The following DTL variants were observed in gnomAD, a reference collection of about 807,000 sequenced individuals.
DTL encodes denticleless E3 ubiquitin protein ligase adapter.
DTL carries 46 observed loss-of-function variants against 87.0 expected under a neutral mutation model. The observed-to-expected ratio is 0.53, with a 90% CI of 0.42 to 0.68. The LOEUF (loss-of-function observed/expected upper bound fraction) is 0.68. Ranked by LOEUF, DTL falls within the 30% of genes least tolerant of loss-of-function variation. DTL has a pLI of 0.00. For missense variants in DTL, 737 were observed against 869.4 expected (o/e 0.85, Z 1.91); for synonymous variants, 308 against 311.2 (o/e 0.99, Z 0.11).
At position 212,103,341 on chromosome 1, in the gene DTL, G is replaced by T. The variant is rs1655678503; in HGVS notation, c.*401G>T. 1 of 152,938 alleles carries T rather than the reference G, an allele frequency of 6.5e-6. No individual in the cohort carries two copies. The highest frequency in any genetic ancestry group is 2.4e-5 in the African/African-American group (1 of 41,466). 9.5% of individuals were successfully genotyped at this position (152,938 alleles called of 1,614,324 possible). ...ATCTGCCAGCCACAGCATGAGGCCT[G>T]TGAAGGCTGACTGAGAAATCCTCTG... On this transcript the variant is annotated 3_prime_UTR_variant, in exon 15 of 15. Coordinates refer to ENST00000366991, the MANE Select transcript of DTL (RefSeq NM_016448.4).
chr1:212,055,773 G>T (rs548688739), intron 5 of DTL, among the ~76,000 whole-genome samples: 1 of 152,248 alleles, frequency 6.6e-6, no homozygotes, highest in African/African-American at 2.4e-5. Context: ...TCCATAGCCA[G>T]CACCTGCATG....
rs958234122 is a variant in DTL at position 212,064,977 on chromosome 1, C to T, written c.587C>T (p.Thr196Ile). Residue 196 changes from threonine (T) to isoleucine (I), a missense_variant, in exon 7 of 15, where the codon ACC (threonine) becomes ATC (isoleucine). Physicochemically the swap from Thr to Ile is moderately conservative, Grantham distance 89. Coordinates refer to ENST00000366991, the MANE Select transcript of DTL (RefSeq NM_016448.4). ...GCTCACAATACCTCAGACAAGCAAA[C>T]CCCTTCAAAACCCAAGAAGAAACAG... is the stretch of plus-strand genomic sequence containing the variant. Reference protein sequence around the residue: ...SGAHNTSDKQTPSKPKKKQNS... With the variant: ...SGAHNTSDKQIPSKPKKKQNS... 8.1e-6 allele frequency: 13 copies of T among 1,613,946 alleles called. No individual in the cohort carries two copies. The highest frequency in any genetic ancestry group is 1.3e-5 in the African/African-American group (1 of 74,894).
intron 6 of DTL, among the ~76,000 whole-genome samples, chr1:212,064,201 T>A (rs985254328): frequency 5.3e-5 from 8 of 152,230 alleles, no homozygotes; most frequent in African/African-American, 1.9e-4. Flanking sequence ...AGAAAAATTT[T>A]AATAAACCTT....
Position 212,047,393 on chromosome 1 carries a change from G to A in DTL, c.436G>A (p.Val146Ile). The change falls in exon 5 of 15, where the codon GTT becomes ATT. Residue 146 changes from valine to isoleucine, a missense_variant. Val to Ile is a conservative substitution (Grantham distance 29, BLOSUM62 3). Coordinates refer to ENST00000366991, the MANE Select transcript of DTL (RefSeq NM_016448.4). ...AGGTCATCAATGCAGCCTCAAGTCAGTTGCCTTTTCTAAGTTTGAGAAAGG... is the reference window on the plus strand; with the variant it reads ...AGGTCATCAATGCAGCCTCAAGTCAATTGCCTTTTCTAAGTTTGAGAAAGG... ...CKGHQCSLKSVAFSKFEKAVF... is the reference protein window; with the variant it reads ...CKGHQCSLKSIAFSKFEKAVF... 6.2e-7 allele frequency: 1 copy of A among 1,614,202 alleles called. No homozygotes were observed. Among genetic ancestry groups the A allele is most frequent in the Admixed American group, 1.7e-5 (1 of 60,026 alleles).
chr1:212,063,895 GTTT>G (rs36083602), intron 6 of DTL, among the ~76,000 whole-genome samples: 2 of 138,762 alleles, frequency 1.4e-5, no homozygotes, highest in African/African-American at 2.6e-5. Flanking sequence ...TTTGTTTCTT[GTTT>G]TTTTTTTTTT....
chr1:212,091,833 T>G (rs1655291543), intron 13 of DTL, among the ~76,000 whole-genome samples: 1 of 152,242 alleles, frequency 6.6e-6, no homozygotes, highest in African/African-American at 2.4e-5. Flanking sequence ...TGAAGTGATG[T>G]TAGTTGGCTT....
chr1:212,087,945 C>G (rs4951565), intron 13 of DTL, among the ~76,000 whole-genome samples: 2 of 152,114 alleles, frequency 1.3e-5, no homozygotes, highest in Non-Finnish European at 2.9e-5. Context: ...CCTGCCCTAC[C>G]TTTCCCAGCC....
At chr1:212,093,689 C>T (rs1655356823) in intron 13 of DTL, among the ~76,000 whole-genome samples, 1 of 152,190 alleles carries the variant, frequency 6.6e-6, no homozygotes, top group Non-Finnish European at 1.5e-5. Context: ...CGACCAGCCA[C>T]TTGTGTCTTT....
At chr1:212,096,688 C>A (rs1163290437) in intron 13 of DTL, among the ~76,000 whole-genome samples, 1 of 152,120 alleles carries the variant, frequency 6.6e-6, no homozygotes, top group Non-Finnish European at 1.5e-5. Context: ...TCTAAGAATT[C>A]CCTTTGGAGT....
chr1:212,095,485 G>C (rs1655419812), intron 13 of DTL, among the ~76,000 whole-genome samples: 1 of 152,128 alleles, frequency 6.6e-6, no homozygotes, highest in African/African-American at 2.4e-5. Flanking sequence ...CTCCCAAGTA[G>C]CTGAGATACC....
At position 212,100,929 on chromosome 1, in the gene DTL, T is replaced by C. The variant is rs1289417247; in HGVS notation, c.1939T>C (p.Ser647Pro). ...PLPLRPCGEG[S>P]EMVGKENSSP... is the part of the protein sequence containing the mutation. Reference sequence around the variant, plus strand: ...TCCTTTGAGACCTTGTGGAGAAGGGTCTGAAATGGTAGGCAAAGAGAATAG... The same window carrying C: ...TCCTTTGAGACCTTGTGGAGAAGGGCCTGAAATGGTAGGCAAAGAGAATAG... The change falls in exon 14 of 15, where the codon TCT becomes CCT. Residue 647 changes from serine to proline, a missense_variant. By Grantham distance (74) the Ser-to-Pro change is moderately conservative (BLOSUM62 -1). Transcript: ENST00000366991. 1.2e-6 allele frequency: 2 copies of C among 1,614,036 alleles called. No individual in the cohort carries two copies. The highest frequency in any genetic ancestry group is 1.7e-5 in the Admixed American group (1 of 60,010).
chr1:212,067,930 G>A (rs1654557194), intron 8 of DTL, among the ~76,000 whole-genome samples: 1 of 152,090 alleles, frequency 6.6e-6, no homozygotes, highest in African/African-American at 2.4e-5. Flanking sequence ...AAAAACAATG[G>A]AACAATTACT....
Position 212,044,771 on chromosome 1 carries a change from C to T in DTL, c.277+13C>T. Reference sequence around the variant, plus strand: ...AAGTGCTTCAAAGGTAAGTCTAGGTCTACAATTTTTGTTTTAACATTTAAA... The same window carrying T: ...AAGTGCTTCAAAGGTAAGTCTAGGTTTACAATTTTTGTTTTAACATTTAAA... On this transcript the variant is annotated intron_variant, in intron 3 of 14. Transcript: ENST00000366991. The T allele has an allele frequency of 1.3e-6, 2 of 1,545,430 alleles. No individual in the cohort carries two copies. Among genetic ancestry groups the T allele is most frequent in the South Asian group, 2.3e-5 (2 of 85,240 alleles).
chr1:212,094,599 C>T (rs868387938), intron 13 of DTL, among the ~76,000 whole-genome samples: 2 of 152,088 alleles, frequency 1.3e-5, no homozygotes, highest in African/African-American at 2.4e-5. Context: ...TTTTTGGTTC[C>T]ATATGACTTT....
intron 1 of DTL, among the ~76,000 whole-genome samples, chr1:212,039,242 T>C (rs1191991745): frequency 6.6e-6 from 1 of 152,308 alleles, no homozygotes; most frequent in East Asian, 1.9e-4. Flanking sequence ...ATTTTGATAA[T>C]TATTAACCAA....
At chr1:212,101,723 T>C (rs1226554594) in intron 14 of DTL, among the ~76,000 whole-genome samples, 26 of 152,238 alleles carry the variant, frequency 1.7e-4, no homozygotes, top group Admixed American at 1.7e-3. Context: ...CAGTGTAGTG[T>C]CACTTATCTT....
rs930500492 is a variant in DTL at position 212,047,431 on chromosome 1, T to C, written c.460+14T>C. 1.2e-5 allele frequency: 20 copies of C among 1,614,050 alleles called. No homozygotes were observed. Among genetic ancestry groups the C allele is most frequent in the Non-Finnish European group, 1.7e-5 (20 of 1,180,030 alleles). ...AGTTTGAGAAAGGTAGGTTTGTGCT[T>C]ATCTTCTTTCATCTCCTTAACCTTC... On this transcript the variant is annotated intron_variant, in intron 5 of 14. Transcript: ENST00000366991.
chr1:212,043,043 A>G lies in DTL; in HGVS notation c.103A>G (p.Ser35Gly), dbSNP rs1667702749. ...LQSLLTGYQCSGNDEHTSYGE... is the reference protein window; with the variant it reads ...LQSLLTGYQCGGNDEHTSYGE... ...ATCCCTTCTGACTGGTTATCAGTGC[A>G]GTGGTAATGATGAACACACTTCTTA... is the stretch of plus-strand genomic sequence containing the variant. The change falls in exon 2 of 15, where the codon AGT (serine) becomes GGT (glycine). Residue 35 changes from serine to glycine, a missense_variant. Ser to Gly is a moderately conservative substitution (Grantham distance 56, BLOSUM62 0). Transcript: ENST00000366991. The G allele has an allele frequency of 1.2e-6, 2 of 1,613,140 alleles. No homozygotes were observed. The highest frequency in any genetic ancestry group is 1.3e-5 in the African/African-American group (1 of 74,900).
chr1:212,089,048 T>C (rs758484000), intron 13 of DTL, among the ~76,000 whole-genome samples: 3 of 152,218 alleles, frequency 2.0e-5, no homozygotes, highest in Non-Finnish European at 2.9e-5. Context: ...ATCATGCCAC[T>C]GCACTCCAGC....
Sources: gnomAD v4.1 joint callset for allele counts (sites outside exome capture counted in the v4.1 genomes callset) on GRCh38, gnomAD v4.1.1 for gene constraint, MANE v1.5 for transcripts, NCBI Gene and HGNC (gene_info 2026-07-23, HGNC 2026-07-21) for gene names.